Variants in DGKB observed in about 807,000 individuals in gnomAD.
DGKB encodes 90 kDa diacylglycerol kinase.
A neutral mutation model predicts 114.3 loss-of-function variants in DGKB; 67 were observed. The observed-to-expected ratio is 0.59, with a 90% CI of 0.48 to 0.72. The LOEUF is 0.72. Ranked by LOEUF, DGKB falls within the 30% of genes least tolerant of loss-of-function variation. The pLI is 0.00. For missense variants in DGKB, 907 were observed against 975.2 expected (o/e 0.93, Z 0.93); for synonymous variants, 398 against 323.1 (o/e 1.23, Z -2.49).
rs1366579314 is a variant in DGKB at position 14,278,426 on chromosome 7, AC to A, written c.2122+60088del. Among the ~76,000 whole-genome samples the A allele has an allele frequency of 5.3e-5, 8 of 152,310 alleles. No individual in the cohort carries two copies. In the East Asian group the frequency reaches 1.5e-3, roughly 29 times the overall value. On this transcript the variant is annotated intron_variant, in intron 23 of 25. Coordinates refer to ENST00000402815, the MANE Select transcript of DGKB (RefSeq NM_001350709.2). The stretch of plus-strand genomic sequence containing the variant: ...TATCTTTAATACATGGTATTGGGAA[AC>A]CCGGATATCCACGTGCAGAGGAATG...
At chr7:14,408,824 A>G (rs1462082213) in intron 21 of DGKB, among the ~76,000 whole-genome samples, 1 of 152,090 alleles carries the variant, frequency 6.6e-6, no homozygotes, top group Admixed American at 6.6e-5. Flanking sequence ...AACTTATTGA[A>G]GATTTGGGAC....
At chr7:14,369,281 T>C (rs1033050239) in intron 21 of DGKB, among the ~76,000 whole-genome samples, 2 of 152,152 alleles carry the variant, frequency 1.3e-5, no homozygotes, top group African/African-American at 2.4e-5. Context: ...TAGTATTCCA[T>C]GGTGTATATG....
At chr7:14,820,210 A>G in intron 2 of DGKB, among the ~76,000 whole-genome samples, 1 of 152,304 alleles carries the variant, frequency 6.6e-6, no homozygotes, top group South Asian at 2.1e-4. Flanking sequence ...ATCCTAGATC[A>G]ATAAAAAAAC....
intron 23 of DGKB, among the ~76,000 whole-genome samples, chr7:14,290,832 T>C (rs1482431754): frequency 6.6e-6 from 1 of 152,054 alleles, no homozygotes; most frequent in African/African-American, 2.4e-5. Flanking sequence ...AGGAATGGCC[T>C]GCTATTACGG....
At chr7:14,334,359 C>CGTGTGTGTGT (rs1810283891) in intron 23 of DGKB, among the ~76,000 whole-genome samples, 1 of 118,852 alleles carries the variant, frequency 8.4e-6, no homozygotes, top group African/African-American at 3.5e-5. Context: ...TATGTATATA[C>CGTGTGTGTGT]ATATGTGTGT....
chr7:14,974,810 T>C (rs1016171620), upstream of DGKB: 6 of 152,170 alleles, frequency 3.9e-5, no homozygotes, highest in African/African-American at 1.4e-4. Context: ...TTACATTTTA[T>C]TCAGAAATAT....
chr7:14,627,108 TTTA>T (rs1447122851), intron 14 of DGKB, among the ~76,000 whole-genome samples: 1 of 152,184 alleles, frequency 6.6e-6, no homozygotes, highest in African/African-American at 2.4e-5. Flanking sequence ...TTTTATTTAT[TTTA>T]TTATTAAGTT....
chr7:14,719,599 A>G (rs75891001), intron 5 of DGKB, among the ~76,000 whole-genome samples: 2,081 of 152,058 alleles, frequency 0.014, 62 homozygotes, highest in African/African-American at 0.046. Flanking sequence ...ACTGTAAGGA[A>G]TAATTTGAAC....
At chr7:14,905,244 G>GTTTT (rs55752603), upstream of DGKB, among the ~76,000 whole-genome samples, 444 of 139,334 alleles carry the variant, frequency 3.2e-3, 10 homozygotes, top group Middle Eastern at 7.6e-3. Flanking sequence ...CATCTTGTTA[G>GTTTT]TTTTTTTTTT....
intron 23 of DGKB, among the ~76,000 whole-genome samples, chr7:14,232,029 C>A (rs1230091987): frequency 6.6e-6 from 1 of 151,950 alleles, no homozygotes; most frequent in Non-Finnish European, 1.5e-5. Flanking sequence ...TTTCAAGACC[C>A]AAAGATGGTT....
intron 20 of DGKB, among the ~76,000 whole-genome samples, chr7:14,486,265 C>A (rs1034609715): frequency 6.6e-6 from 1 of 152,156 alleles, no homozygotes; most frequent in African/African-American, 2.4e-5. Context: ...ATCATTGTTC[C>A]ATCAAAAACA....
chr7:14,849,128 GA>G (rs1458544006), intron 1 of DGKB, among the ~76,000 whole-genome samples: 3 of 152,036 alleles, frequency 2.0e-5, no homozygotes, highest in Admixed American at 6.6e-5. Context: ...TTAATGAAAA[GA>G]TTATTTAGGA....
At chr7:14,754,305 G>A (rs1224495885) in intron 3 of DGKB, among the ~76,000 whole-genome samples, 1 of 152,046 alleles carries the variant, frequency 6.6e-6, no homozygotes, top group Non-Finnish European at 1.5e-5. Context: ...TAAGCAAACT[G>A]TTCTGACATT....
intron 21 of DGKB, among the ~76,000 whole-genome samples, chr7:14,462,152 C>A (rs1040263988): frequency 6.6e-6 from 1 of 152,152 alleles, no homozygotes; most frequent in Non-Finnish European, 1.5e-5. Context: ...CAATATCCTA[C>A]TGAATGGGCA....
intron 17 of DGKB, among the ~76,000 whole-genome samples, chr7:14,589,834 A>C (rs1334468022): frequency 6.6e-6 from 1 of 152,074 alleles, no homozygotes; most frequent in Non-Finnish European, 1.5e-5. Context: ...CTTTATGAAC[A>C]AATTGACCTA....
intron 23 of DGKB, among the ~76,000 whole-genome samples, chr7:14,303,655 T>C (rs1204459633): frequency 6.6e-6 from 1 of 151,938 alleles, no homozygotes; most frequent in Non-Finnish European, 1.5e-5. Context: ...ATGGCAGTAC[T>C]CTCTATCACC....
chr7:14,359,999 A>G (rs955906530), intron 21 of DGKB, among the ~76,000 whole-genome samples: 2 of 152,168 alleles, frequency 1.3e-5, no homozygotes, highest in African/African-American at 2.4e-5. Flanking sequence ...ATGCTACGAT[A>G]AAGACACATG....
intron 20 of DGKB, among the ~76,000 whole-genome samples, chr7:14,543,060 A>G (rs1184240056): frequency 6.6e-6 from 1 of 152,168 alleles, no homozygotes; most frequent in Non-Finnish European, 1.5e-5. Flanking sequence ...TTTTCATTCT[A>G]TCTGAAAACT....
intron 25 of DGKB, among the ~76,000 whole-genome samples, chr7:14,163,667 C>T (rs759832380): frequency 1.3e-5 from 2 of 152,084 alleles, no homozygotes; most frequent in Non-Finnish European, 2.9e-5. Context: ...TATTAATTTT[C>T]TCTCTTCAAA....
Sources: allele counts gnomAD v4.1 joint callset (sites outside exome capture counted in the v4.1 genomes callset), GRCh38; gene constraint gnomAD v4.1.1; transcripts MANE v1.5; gene names NCBI Gene and HGNC (gene_info 2026-07-23, HGNC 2026-07-21).